Variants in CADM2 observed in about 807,000 individuals in gnomAD.
CADM2 encodes immunoglobulin superfamily member 4D.
CADM2 carries 12 observed loss-of-function variants against 49.8 expected under a neutral mutation model. The ratio of observed to expected loss-of-function variants is 0.24; its 90% CI spans 0.15 to 0.39. The LOEUF (loss-of-function observed/expected upper bound fraction) is 0.39, where lower values mean the gene tolerates loss of function less well. CADM2 is among the 10% of genes least tolerant of loss of function. CADM2 has a pLI of 1.00. For synonymous variants in CADM2, 214 were observed against 175.4 expected (o/e 1.22, Z -1.74); for missense variants, 378 against 492.3 (o/e 0.77, Z 2.20).
chr3:85,698,286 C>A (rs57104325), intron 1 of CADM2, among the ~76,000 whole-genome samples: 9,772 of 152,106 alleles, frequency 0.064, 844 homozygotes, highest in African/African-American at 0.2. Context: ...ACCTCTACAG[C>A]GAGATAACAT....
At chr3:85,202,338 A>C (rs1262862734) in intron 1 of CADM2, among the ~76,000 whole-genome samples, 3 of 152,204 alleles carry the variant, frequency 2.0e-5, no homozygotes, top group African/African-American at 7.2e-5. Context: ...TATGGAAGCT[A>C]AAGTTTTATG....
intron 2 of CADM2, among the ~76,000 whole-genome samples, chr3:85,780,212 A>G (rs1424985443): frequency 6.6e-6 from 1 of 152,190 alleles, no homozygotes; most frequent in Non-Finnish European, 1.5e-5. Flanking sequence ...TAGTAGGCCG[A>G]CATGTACATT....
chr3:85,433,140 CTT>C (rs67960974), intron 1 of CADM2, among the ~76,000 whole-genome samples: 1 of 151,064 alleles, frequency 6.6e-6, no homozygotes, highest in African/African-American at 2.4e-5. Flanking sequence ...TCTGAGTCCT[CTT>C]TTTTTTTCTA....
At chr3:85,551,911 T>C in intron 1 of CADM2, among the ~76,000 whole-genome samples, 1 of 152,244 alleles carries the variant, frequency 6.6e-6, no homozygotes, top group Non-Finnish European at 1.5e-5. Flanking sequence ...TACTTACAGT[T>C]ATTCATTTGG....
chr3:85,171,817 A>G (rs186136756), intron 1 of CADM2, among the ~76,000 whole-genome samples: 3 of 152,350 alleles, frequency 2.0e-5, no homozygotes, highest in Admixed American at 1.3e-4. Context: ...AACAATTTAC[A>G]TAGGGAAACC....
intron 1 of CADM2, among the ~76,000 whole-genome samples, chr3:85,639,391 G>A (rs2064634404): frequency 6.6e-6 from 1 of 152,062 alleles, no homozygotes; most frequent in Non-Finnish European, 1.5e-5. Context: ...TCTGACATCG[G>A]GCATGAAATT....
intron 3 of CADM2, among the ~76,000 whole-genome samples, chr3:85,838,172 G>A (rs1483630121): frequency 1.3e-5 from 2 of 151,830 alleles, no homozygotes; most frequent in African/African-American, 4.8e-5. Flanking sequence ...CAGTGTGTGG[G>A]ATCACATTAA....
chr3:85,137,200 A>G (rs2039437973), intron 1 of CADM2, among the ~76,000 whole-genome samples: 1 of 151,988 alleles, frequency 6.6e-6, no homozygotes, highest in Non-Finnish European at 1.5e-5. Context: ...GCTCAAAGAA[A>G]TGAACAATTG....
In CADM2 at chr3:85,060,755, C is replaced by T. The variant is rs114075298; in HGVS notation, c.61+101087C>T. Among the ~76,000 whole-genome samples the T allele has an allele frequency of 1.9e-3, 296 of 151,872 alleles. 2 individuals carry two copies. Among genetic ancestry groups the T allele is most frequent in the African/African-American group, 6.8e-3 (283 of 41,430 alleles). ...TTTATGGGTCTGGTGTGGTGGCTCA[C>T]GCTTATAATAAAAGTGTTTATGAAA... On this transcript the variant is annotated intron_variant, in intron 1 of 9. Transcript: ENST00000383699.
chr3:85,585,196 C>T (rs2062906117), intron 1 of CADM2, among the ~76,000 whole-genome samples: 1 of 151,916 alleles, frequency 6.6e-6, no homozygotes, highest in Admixed American at 6.6e-5. Context: ...ATAAGTCACT[C>T]AGTAGCTGTC....
At chr3:85,366,834 C>A (rs1559802875) in intron 1 of CADM2, among the ~76,000 whole-genome samples, 2 of 151,750 alleles carry the variant, frequency 1.3e-5, no homozygotes, top group Non-Finnish European at 2.9e-5. Context: ...GTATTCATTA[C>A]TGAATATTTG....
chr3:85,855,843 G>A (rs926819838), intron 3 of CADM2, among the ~76,000 whole-genome samples: 2 of 151,728 alleles, frequency 1.3e-5, no homozygotes, highest in Admixed American at 6.6e-5. Flanking sequence ...AGCCAGGATG[G>A]TCTCGATCTC....
chr3:85,712,613 A>G (rs1311596836), intron 1 of CADM2, among the ~76,000 whole-genome samples: 1 of 152,120 alleles, frequency 6.6e-6, no homozygotes, highest in African/African-American at 2.4e-5. Context: ...TTGACATTTT[A>G]CCAGTTGGGG....
intron 5 of CADM2, among the ~76,000 whole-genome samples, chr3:85,896,384 A>G (rs73843507): frequency 0.054 from 8,281 of 152,278 alleles, 637 homozygotes; most frequent in African/African-American, 0.17. Context: ...TATAATGAGG[A>G]AAGAGATTTT....
At chr3:85,898,955 ATTTTT>A (rs35857247) in intron 5 of CADM2, among the ~76,000 whole-genome samples, 398 of 33,690 alleles carry the variant, frequency 0.012, 1 homozygote, top group Admixed American at 0.022. Context: ...ATATATATAT[ATTTTT>A]TTTTTTTTTT....
At chr3:85,692,038 A>C (rs1478916876) in intron 1 of CADM2, among the ~76,000 whole-genome samples, 1 of 152,200 alleles carries the variant, frequency 6.6e-6, no homozygotes, top group African/African-American at 2.4e-5. Context: ...TGACGAGTTA[A>C]TGGGTGCAGC....
At chr3:85,409,205 G>A (rs908607487) in intron 1 of CADM2, among the ~76,000 whole-genome samples, 2 of 151,814 alleles carry the variant, frequency 1.3e-5, no homozygotes, top group African/African-American at 4.8e-5. Context: ...CCTTTTTTGT[G>A]TATTATGTGC....
intron 8 of CADM2, among the ~76,000 whole-genome samples, chr3:86,000,777 G>A (rs879246231): frequency 6.6e-6 from 1 of 152,098 alleles, no homozygotes; most frequent in Admixed American, 6.5e-5. Flanking sequence ...AAAATATGTG[G>A]TAGTTGAATT....
intron 1 of CADM2, among the ~76,000 whole-genome samples, chr3:85,065,252 T>C (rs1362349228): frequency 6.6e-6 from 1 of 152,102 alleles, no homozygotes; most frequent in African/African-American, 2.4e-5. Context: ...ATCTACTAAA[T>C]AGAATCAATT....
Sources: allele counts gnomAD v4.1 joint callset (sites outside exome capture counted in the v4.1 genomes callset), GRCh38; gene constraint gnomAD v4.1.1; transcripts MANE v1.5; gene names NCBI Gene and HGNC (gene_info 2026-07-23, HGNC 2026-07-21).